The following TRIO variants were observed in gnomAD, a reference collection of about 807,000 sequenced individuals.
The protein encoded by TRIO is trio Rho guanine nucleotide exchange factor.
TRIO carries 58 observed loss-of-function variants against 351.9 expected under a neutral mutation model. The ratio of observed to expected loss-of-function variants is 0.16; its 90% CI spans 0.13 to 0.21. The LOEUF (loss-of-function observed/expected upper bound fraction) is 0.21. TRIO is among the 10% of genes least tolerant of loss of function. The pLI is 1.00. For missense variants in TRIO, 3,201 were observed against 4,027.8 expected, an observed-to-expected ratio of 0.79 and a Z score of 5.56; for synonymous variants, 1,758 against 1,595.7, an observed-to-expected ratio of 1.10 and a Z score of -2.42.
Position 14,492,593 on chromosome 5 carries a change from C to A in TRIO, c.7659C>A (p.Ile2553=). ...GTGAAAGCAGCAGCAGTAGCAACATCTCCACCATGTTGGTGACACACGATT... is the reference window on the plus strand; with the variant it reads ...GTGAAAGCAGCAGCAGTAGCAACATATCCACCATGTTGGTGACACACGATT... ...NGSESSSSSN[I]STMLVTHDYT... The change falls in exon 49 of 57, where the codon ATC becomes ATA. Residue 2553 remains isoleucine, a synonymous_variant. Coordinates refer to ENST00000344204, the MANE Select transcript of TRIO (RefSeq NM_007118.4). 6.2e-7 allele frequency: 1 copy of A among 1,614,112 alleles called. No homozygotes were observed.
chr5:14,197,674 A>G (rs2152165082), intron 1 of TRIO, among the ~76,000 whole-genome samples: 1 of 152,230 alleles, frequency 6.6e-6, no homozygotes, highest in Non-Finnish European at 1.5e-5. Flanking sequence ...AAGACATGAG[A>G]CTCCTGGGTC....
intron 1 of TRIO, among the ~76,000 whole-genome samples, chr5:14,243,927 G>A (rs770066386): frequency 1.2e-4 from 19 of 152,202 alleles, no homozygotes; most frequent in Non-Finnish European, 2.5e-4. Flanking sequence ...CAATAACAGC[G>A]CCATATGCAG....
At chr5:14,225,337 A>G (rs1376456140) in intron 1 of TRIO, among the ~76,000 whole-genome samples, 1 of 152,228 alleles carries the variant, frequency 6.6e-6, no homozygotes, top group African/African-American at 2.4e-5. Context: ...CTAACAAATT[A>G]CCACAAACAT....
chr5:14,366,689 A>G (rs948201117), intron 15 of TRIO, among the ~76,000 whole-genome samples, 171 bp from the exon 16 acceptor site: 4 of 152,218 alleles, frequency 2.6e-5, no homozygotes, highest in Non-Finnish European at 4.4e-5. Flanking sequence ...GCAGTCAGGT[A>G]CCATGGAAGA....
At chr5:14,427,197 C>G (rs556572748) in intron 34 of TRIO, among the ~76,000 whole-genome samples, 1 of 152,280 alleles carries the variant, frequency 6.6e-6, no homozygotes, top group East Asian at 1.9e-4. Flanking sequence ...CACCCCACCC[C>G]TTTCTGCAGC....
At chr5:14,342,928 T>C (rs1306900783) in intron 11 of TRIO, among the ~76,000 whole-genome samples, 1 of 152,228 alleles carries the variant, frequency 6.6e-6, no homozygotes, top group South Asian at 2.1e-4. Context: ...GATGGAGTTA[T>C]GCCCAAATAA....
intron 30 of TRIO, chr5:14,399,468 G>A (rs527275510): frequency 4.1e-6 from 1 of 242,832 alleles, no homozygotes; most frequent in South Asian, 1.6e-4. Context: ...GCCTTACTGG[G>A]TGGCTCACAT....
At chr5:14,285,845 G>C (rs1200076520) in intron 3 of TRIO, among the ~76,000 whole-genome samples, 1 of 152,162 alleles carries the variant, frequency 6.6e-6, no homozygotes, top group Non-Finnish European at 1.5e-5. Context: ...GTCTGGTGCA[G>C]GCATCAGCAG....
In TRIO at chr5:14,498,114, G is replaced by A. The variant is rs1349218311; in HGVS notation, c.8073G>A (p.Leu2691=). The A allele has an allele frequency of 1.2e-6, 2 of 1,614,072 alleles. No homozygotes were observed. Among genetic ancestry groups the A allele is most frequent in the East Asian group, 2.2e-5 (1 of 44,892 alleles). Residue 2691 remains leucine, a synonymous_variant, in exon 52 of 57, where the codon TTG becomes TTA. Transcript: ENST00000344204. The stretch of plus-strand genomic sequence containing the variant: ...TTCCCCCAGAATTCGTCATTCCATT[G>A]AGTGAGGTCACGTGTGAGACAGGGG... The part of the protein sequence containing the change: ...YDVPPEFVIP[L]SEVTCETGET...
intron 49 of TRIO, among the ~76,000 whole-genome samples, chr5:14,493,439 T>C (rs1300349085): frequency 4.6e-5 from 7 of 152,210 alleles, no homozygotes; most frequent in East Asian, 1.9e-4. Context: ...CATTTTGTTA[T>C]TGTATTTGTT....
At chr5:14,352,485 C>A (rs1436991744) in intron 11 of TRIO, among the ~76,000 whole-genome samples, 1 of 152,134 alleles carries the variant, frequency 6.6e-6, no homozygotes, top group Non-Finnish European at 1.5e-5. Context: ...GGTTTTTTCT[C>A]GTTGCTTTAT....
At chr5:14,403,705 G>T (rs1748414131) in intron 31 of TRIO, among the ~76,000 whole-genome samples, 1 of 137,126 alleles carries the variant, frequency 7.3e-6, no homozygotes, top group Non-Finnish European at 1.6e-5. Flanking sequence ...TGTAGGTTGT[G>T]GTGAGGGTGT....
intron 52 of TRIO, 101 bp from the exon 53 acceptor site, chr5:14,498,418 C>T: frequency 1.3e-6 from 2 of 1,526,236 alleles, no homozygotes; most frequent in South Asian, 2.5e-5. Flanking sequence ...CTCATCAGCA[C>T]TTGAGCTCCT....
At chr5:14,209,877 C>T (rs527946225) in intron 1 of TRIO, among the ~76,000 whole-genome samples, 1 of 152,352 alleles carries the variant, frequency 6.6e-6, no homozygotes, top group South Asian at 2.1e-4. Flanking sequence ...AGGGCTTCTG[C>T]ACAGAGGGAC....
At chr5:14,212,219 G>T (rs1009855474) in intron 1 of TRIO, among the ~76,000 whole-genome samples, 3 of 152,150 alleles carry the variant, frequency 2.0e-5, no homozygotes, top group Non-Finnish European at 4.4e-5. Context: ...AGGAAGGATA[G>T]AATTATAAAC....
chr5:14,449,097 G>C (rs1358962334), intron 34 of TRIO, among the ~76,000 whole-genome samples: 1 of 152,088 alleles, frequency 6.6e-6, no homozygotes. Context: ...TACAGAGTTG[G>C]GTTAAAAAAG....
In TRIO at chr5:14,461,077, G is replaced by A. The variant is rs781304362; in HGVS notation, c.5262G>A (p.Gln1754=). The part of the protein sequence containing the change: ...ASPPASVASL[Q]PHMIGAQSSP... ...CACCCGCATCCGTGGCTTCCCTCCA[G>A]CCCCACATGATCGGGGCCCAGAGCT... Residue 1754 remains glutamine (Q), a synonymous_variant, in exon 35 of 57, where the codon CAG becomes CAA. Coordinates refer to ENST00000344204, the MANE Select transcript of TRIO (RefSeq NM_007118.4). The A allele has an allele frequency of 2.3e-5, 36 of 1,577,814 alleles. No individual in the cohort carries two copies. The highest frequency in any genetic ancestry group is 3.0e-5 in the Non-Finnish European group (35 of 1,162,890).
At chr5:14,300,703 G>A (rs779439878) in intron 7 of TRIO, among the ~76,000 whole-genome samples, 5 of 152,202 alleles carry the variant, frequency 3.3e-5, no homozygotes, top group Non-Finnish European at 7.4e-5. Flanking sequence ...TAGTATTATT[G>A]TCCTGATAAT....
At chr5:14,236,950 G>A (rs1793806785) in intron 1 of TRIO, among the ~76,000 whole-genome samples, 2 of 152,104 alleles carry the variant, frequency 1.3e-5, no homozygotes, top group Admixed American at 6.5e-5. Context: ...GTATCCACAG[G>A]GAAGCTTCTC....
Sources: allele counts gnomAD v4.1 joint callset (sites outside exome capture counted in the v4.1 genomes callset), GRCh38; gene constraint gnomAD v4.1.1; transcripts MANE v1.5; gene names NCBI Gene and HGNC (gene_info 2026-07-23, HGNC 2026-07-21).